Variants in CAMSAP2 observed in about 807,000 individuals in gnomAD.
The protein encoded by CAMSAP2 is calmodulin regulated spectrin associated protein family member 2.
A neutral mutation model predicts 146.1 loss-of-function variants in CAMSAP2; 26 were observed. That is an observed-to-expected ratio of 0.18 (90% CI 0.13 to 0.25). The LOEUF (loss-of-function observed/expected upper bound fraction) is 0.25. Among genes scored for constraint, CAMSAP2 ranks in the 10% least tolerant of loss-of-function variants. The pLI, the probability that CAMSAP2 is intolerant of heterozygous loss-of-function variation, is 1.00. For synonymous variants in CAMSAP2, 499 were observed against 596.6 expected, an observed-to-expected ratio of 0.84 and a Z score of 2.38; for missense variants, 1,381 against 1,759.3, an observed-to-expected ratio of 0.78 and a Z score of 3.85.
chr1:200,857,523 G>T lies in CAMSAP2; in HGVS notation c.4131+99G>T. 1.1e-6 allele frequency: 1 copy of T among 874,528 alleles called. No individual in the cohort carries two copies. The highest frequency in any genetic ancestry group is 1.8e-6 in the Non-Finnish European group (1 of 546,886). 54.2% of individuals were successfully genotyped at this position (874,528 alleles called of 1,614,324 possible). ...CATGGGCCTAGACTTTCAACAGCATGTAAAAAGATCTGTAGCTAGATGTTT... is the reference window on the plus strand; with the variant it reads ...CATGGGCCTAGACTTTCAACAGCATTTAAAAAGATCTGTAGCTAGATGTTT... On this transcript the variant is annotated intron_variant, in intron 16 of 16. Transcript: ENST00000358823. The surrounding 1 kb of genome is among the most constrained non-coding windows in gnomAD (Gnocchi z 4.7).
At chr1:200,776,730 AC>A (rs1665290657) in intron 2 of CAMSAP2, among the ~76,000 whole-genome samples, 1 of 152,172 alleles carries the variant, frequency 6.6e-6, no homozygotes, top group Admixed American at 6.5e-5. Context: ...TCTTAAAAAA[AC>A]AAAACAAAAC....
At chr1:200,806,793 C>CTATT (rs1190284238) in intron 2 of CAMSAP2, among the ~76,000 whole-genome samples, 5 of 151,240 alleles carry the variant, frequency 3.3e-5, no homozygotes, top group African/African-American at 1.2e-4. Context: ...ATCTATCTAT[C>CTATT]TATCTATCTA....
Position 200,761,137 on chromosome 1 carries a change from G to A in CAMSAP2, c.399+39G>A, listed in dbSNP as rs374660278. The A allele has an allele frequency of 1.8e-5, 28 of 1,588,138 alleles. No individual in the cohort carries two copies. The African/African-American group carries it at 3.4e-4, about 19-fold the overall frequency. ...TACCCAAGATTATTTTAAGTTTGAA[G>A]TGTGTACTTTTGAGTGTGAATGATA... On this transcript the variant is annotated intron_variant, in intron 2 of 16. Transcript: ENST00000358823.
intron 6 of CAMSAP2, among the ~76,000 whole-genome samples, chr1:200,839,110 C>G (rs934849238): frequency 6.6e-6 from 1 of 152,176 alleles, no homozygotes; most frequent in East Asian, 1.9e-4. Flanking sequence ...ATTTGAGAAT[C>G]ATTTAGTAGC....
Position 200,858,731 on chromosome 1 carries a change from G to T in CAMSAP2, c.*672G>T, listed in dbSNP as rs1667810117. On this transcript the variant is annotated 3_prime_UTR_variant, in exon 17 of 17. Coordinates refer to ENST00000358823, the MANE Select transcript of CAMSAP2 (RefSeq NM_203459.4). ...ATTAAATAAGAGGAGGTGTTGTAAAGAGCTGCTAGTAGGTTCGCTTTAAAC... is the reference window on the plus strand; with the variant it reads ...ATTAAATAAGAGGAGGTGTTGTAAATAGCTGCTAGTAGGTTCGCTTTAAAC... The T allele has an allele frequency of 1.3e-5, 2 of 152,754 alleles. No individual in the cohort carries two copies. Among genetic ancestry groups the T allele is most frequent in the South Asian group, 4.1e-4 (2 of 4,826 alleles). The allele number at this position is 152,754 out of a possible 1,614,324, so 9.5% of individuals were successfully genotyped here.
At chr1:200,740,900 T>G (rs1016740706) in intron 1 of CAMSAP2, among the ~76,000 whole-genome samples, 3 of 152,222 alleles carry the variant, frequency 2.0e-5, no homozygotes, top group Non-Finnish European at 4.4e-5. Context: ...CTTTTAAGAG[T>G]AATTTTACAA....
intron 4 of CAMSAP2, among the ~76,000 whole-genome samples, chr1:200,816,449 C>A (rs190794370): frequency 6.7e-6 from 1 of 149,200 alleles, no homozygotes; most frequent in African/African-American, 2.5e-5. Context: ...AAAAAATTAG[C>A]CAGGCGTGGT....
intron 2 of CAMSAP2, among the ~76,000 whole-genome samples, chr1:200,796,089 G>A (rs1222210014): frequency 3.3e-5 from 5 of 152,114 alleles, no homozygotes; most frequent in Non-Finnish European, 1.5e-5. Context: ...CTCTTGCCAG[G>A]GCTGCCACAT....
chr1:200,829,665 C>A (rs1001454718), intron 4 of CAMSAP2, among the ~76,000 whole-genome samples: 1 of 151,974 alleles, frequency 6.6e-6, no homozygotes, highest in South Asian at 2.1e-4. Flanking sequence ...CGGTGGCTCA[C>A]GCGCATAATC....
intron 2 of CAMSAP2, among the ~76,000 whole-genome samples, chr1:200,782,584 C>G (rs1665465123): frequency 1.3e-5 from 2 of 151,822 alleles, no homozygotes; most frequent in South Asian, 4.2e-4. Flanking sequence ...TTACTAGATT[C>G]TTTTGCTCAT....
chr1:200,822,658 G>A (rs1666805118), intron 4 of CAMSAP2, among the ~76,000 whole-genome samples: 1 of 152,172 alleles, frequency 6.6e-6, no homozygotes, highest in Non-Finnish European at 1.5e-5. Context: ...GGTTACATTA[G>A]TCCTCTTTTA....
In CAMSAP2 at chr1:200,847,297, T is replaced by A. The variant is rs1274019026; in HGVS notation, c.1192+5T>A. On this transcript the variant is annotated splice_donor_5th_base_variant and intron_variant, in intron 9 of 16. Transcript: ENST00000358823. ...AGGCTCATTCTTCAGCCTCAGGTAA[T>A]ATATTTGAAAAAGCCTAGGAAAATA... The A allele has an allele frequency of 1.3e-6, 2 of 1,597,300 alleles. No homozygotes were observed. The highest frequency in any genetic ancestry group is 1.7e-6 in the Non-Finnish European group (2 of 1,168,074).
At chr1:200,780,864 T>C (rs1665410940) in intron 2 of CAMSAP2, among the ~76,000 whole-genome samples, 1 of 152,236 alleles carries the variant, frequency 6.6e-6, no homozygotes, top group Non-Finnish European at 1.5e-5. Flanking sequence ...ATCATGACTT[T>C]TTCTTTTCTG....
intron 3 of CAMSAP2, among the ~76,000 whole-genome samples, chr1:200,808,542 C>A (rs1666241873): frequency 6.6e-6 from 1 of 152,168 alleles, no homozygotes; most frequent in African/African-American, 2.4e-5. Context: ...ATATCAGTAT[C>A]ATTGTAGAAG....
intron 1 of CAMSAP2, among the ~76,000 whole-genome samples, chr1:200,760,367 C>CT (rs1664767213): frequency 6.6e-6 from 1 of 152,172 alleles, no homozygotes; most frequent in Admixed American, 6.6e-5. Context: ...GTTAGGCAGT[C>CT]TCTATTCTGC....
chr1:200,743,100 C>T (rs1558156247), intron 1 of CAMSAP2, among the ~76,000 whole-genome samples: 1 of 152,210 alleles, frequency 6.6e-6, no homozygotes, highest in Non-Finnish European at 1.5e-5. Flanking sequence ...AGTAGTTCAA[C>T]TATCTGTGCC....
intron 2 of CAMSAP2, among the ~76,000 whole-genome samples, chr1:200,789,405 T>C (rs1468379067): frequency 6.6e-6 from 1 of 152,156 alleles, no homozygotes; most frequent in African/African-American, 2.4e-5. Flanking sequence ...GGATGTCTGG[T>C]TGTTCTAGCA....
chr1:200,811,181 T>C (rs1666320326), intron 3 of CAMSAP2, among the ~76,000 whole-genome samples: 1 of 152,122 alleles, frequency 6.6e-6, no homozygotes, highest in Admixed American at 6.5e-5. Context: ...ACCCAAGGTG[T>C]TTACCAAGCC....
Position 200,832,059 on chromosome 1 carries a change from T to G in CAMSAP2, c.646-141T>G. The G allele has an allele frequency of 1.5e-6, 1 of 680,198 alleles. No individual in the cohort carries two copies. Among genetic ancestry groups the G allele is most frequent in the Non-Finnish European group, 2.4e-6 (1 of 420,542 alleles). 42.1% of individuals were successfully genotyped at this position (680,198 alleles called of 1,614,324 possible). A position where few individuals can be genotyped will look rare whatever the true frequency, so the allele number is the denominator to read the frequency against. On this transcript the variant is annotated intron_variant, in intron 4 of 16. Transcript: ENST00000358823. This position sits in a 1 kb window ranked among gnomAD's most constrained non-coding sequence, Gnocchi z 4.2. ...AACTTTGGTAATACCTAGCGTTATT[T>G]AGAAAAAAAGAAATATTGGTGAGTG...
Sources: gnomAD v4.1 joint callset for allele counts (sites outside exome capture counted in the v4.1 genomes callset) on GRCh38, gnomAD v4.1.1 for gene constraint, Gnocchi (gnomAD v3.1) non-coding constraint, MANE v1.5 for transcripts, NCBI Gene and HGNC (gene_info 2026-07-23, HGNC 2026-07-21) for gene names.